The following PRDM1 variants were observed in gnomAD, a reference collection of about 807,000 sequenced individuals.
The protein encoded by PRDM1 is PR/SET domain 1.
In PRDM1, 13 loss-of-function variants were observed where a neutral mutation model predicts 62.8. The observed-to-expected ratio is 0.21, with a 90% confidence interval of 0.13 to 0.33. The LOEUF (loss-of-function observed/expected upper bound fraction) is 0.33, where lower values mean the gene tolerates loss of function less well. Ranked by LOEUF, PRDM1 falls within the 10% of genes least tolerant of loss-of-function variation. PRDM1 has a pLI of 1.00. For missense variants in PRDM1, 895 were observed against 1,058.8 expected, an observed-to-expected ratio of 0.85 and a Z score of 2.15; for synonymous variants, 396 against 417.6, an observed-to-expected ratio of 0.95 and a Z score of 0.63.
At chr6:106,025,646 A>C (rs1056271143) in intron 1 of PRDM1, among the ~76,000 whole-genome samples, 1 of 152,228 alleles carries the variant, frequency 6.6e-6, no homozygotes, top group African/African-American at 2.4e-5. Flanking sequence ...TATATGCAAG[A>C]GTAATTTTCA....
intron 1 of PRDM1, among the ~76,000 whole-genome samples, chr6:106,067,841 A>G (rs1401760109): frequency 6.6e-6 from 1 of 152,200 alleles, no homozygotes; most frequent in African/African-American, 2.4e-5. Context: ...ACTGAGTCGT[A>G]TGCTCTAAAA....
At chr6:106,018,479 C>T (rs1772652336) in intron 1 of PRDM1, among the ~76,000 whole-genome samples, 1 of 152,064 alleles carries the variant, frequency 6.6e-6, no homozygotes, top group Non-Finnish European at 1.5e-5. Context: ...ACCTAGTGTC[C>T]TTTTTCTATT....
At position 106,088,158 on chromosome 6, in the gene PRDM1, C is replaced by T. The variant is rs772361896; in HGVS notation, c.43-43C>T. ...AGCCTCTCAGAAGGAGCCACAGGAACGGCGGGACAATGGGGATTAAAGGCC... is the reference window on the plus strand; with the variant it reads ...AGCCTCTCAGAAGGAGCCACAGGAATGGCGGGACAATGGGGATTAAAGGCC... On this transcript the variant is annotated intron_variant, in intron 1 of 6. Transcript: ENST00000369096. 2.6e-6 allele frequency: 4 copies of T among 1,544,758 alleles called. No homozygotes were observed. The Admixed American group carries it at 5.9e-5, about 23-fold the overall frequency.
chr6:106,027,446 A>G (rs1301318049), intron 1 of PRDM1, among the ~76,000 whole-genome samples: 1 of 152,242 alleles, frequency 6.6e-6, no homozygotes. Flanking sequence ...TGTATACGAC[A>G]GAATGCGGAT....
chr6:106,109,174 T>C lies in PRDM1; in HGVS notation c.*1688T>C, dbSNP rs779463092. 8.0e-5 allele frequency: 18 copies of C among 225,122 alleles called. No individual in the cohort carries two copies. The highest frequency in any genetic ancestry group is 1.2e-4 in the Non-Finnish European group (14 of 113,216). 13.9% of individuals were successfully genotyped at this position (225,122 alleles called of 1,614,324 possible). A position where few individuals can be genotyped will look rare whatever the true frequency, so the allele number is the denominator to read the frequency against. ...TGACCTCACAATCACGTCGGTATGA[T>C]TGGGCACCCTTGCCTACTGTAAGAG... On this transcript the variant is annotated 3_prime_UTR_variant, in exon 7 of 7. Coordinates refer to ENST00000369096, the MANE Select transcript of PRDM1 (RefSeq NM_001198.4).
chr6:106,037,338 G>T (rs141709652), intron 1 of PRDM1, among the ~76,000 whole-genome samples: 143 of 152,200 alleles, frequency 9.4e-4, no homozygotes, highest in African/African-American at 3.3e-3. Context: ...GTGGATTTCT[G>T]AATTCATTAT....
intron 4 of PRDM1, 156 bp downstream of exon 4, chr6:106,099,708 G>A: frequency 2.1e-6 from 2 of 954,334 alleles, no homozygotes; most frequent in South Asian, 3.6e-5. Flanking sequence ...AACATTTTTT[G>A]AGTCCCTATT....
chr6:106,035,412 A>T (rs1406754289), intron 1 of PRDM1, among the ~76,000 whole-genome samples: 1 of 152,150 alleles, frequency 6.6e-6, no homozygotes, highest in Non-Finnish European at 1.5e-5. Context: ...GCTTGAGGCC[A>T]GGAGTTCAAG....
At position 106,032,987 on chromosome 6, in the gene PRDM1, A is replaced by G. The variant is rs541987887; in HGVS notation, c.-67+39348A>G. ...AAATATTTTCTCATTTAATCCTCAC[A>G]AAAGCCCTATGAGGTGGGTTGTATT... On this transcript the variant is annotated intron_variant, in intron 1 of 6. Transcript: ENST00000652320. 1.2e-3 allele frequency among the ~76,000 whole-genome samples: 188 copies of G among 152,302 alleles called. 1 individual carries two copies. The highest frequency in any genetic ancestry group is 4.5e-3 in the African/African-American group (186 of 41,572).
At chr6:106,093,643 A>T (rs1774018078) in intron 2 of PRDM1, among the ~76,000 whole-genome samples, 1 of 152,226 alleles carries the variant, frequency 6.6e-6, no homozygotes. Flanking sequence ...CAAAACAATG[A>T]GCCTCTGAAT....
chr6:106,011,001 G>A (rs1772538465), intron 1 of PRDM1, among the ~76,000 whole-genome samples: 1 of 152,162 alleles, frequency 6.6e-6, no homozygotes, highest in Admixed American at 6.5e-5. Flanking sequence ...GTAGCAGCAG[G>A]ACCAGCCTGC....
At chr6:105,998,371 G>C (rs1772375668) in intron 1 of PRDM1, among the ~76,000 whole-genome samples, 1 of 152,026 alleles carries the variant, frequency 6.6e-6, no homozygotes, top group African/African-American at 2.4e-5. Flanking sequence ...GGACAACATA[G>C]CGAGACCCCA....
chr6:106,104,408 T>A (rs1429696267), intron 4 of PRDM1, among the ~76,000 whole-genome samples: 1 of 152,070 alleles, frequency 6.6e-6, no homozygotes, highest in Non-Finnish European at 1.5e-5. Flanking sequence ...ATGGGGTTTC[T>A]CCATGTTGGT....
In PRDM1 at chr6:106,106,684, C is replaced by G. The variant is rs1306585700; in HGVS notation, c.1902+185C>G. Among the ~76,000 whole-genome samples the G allele has an allele frequency of 6.6e-6, 1 of 152,194 alleles. No individual in the cohort carries two copies. The highest frequency in any genetic ancestry group is 2.4e-5 in the African/African-American group (1 of 41,436). ...TGCTGATGACTTGAGATGGCACAGC[C>G]AGCTTCCAGTGGGTGGGAAAATGGT... On this transcript the variant is annotated intron_variant, in intron 6 of 6. Transcript: ENST00000369096. The surrounding 1 kb of genome is among the most constrained non-coding windows in gnomAD (Gnocchi z 4.4).
At chr6:106,038,014 C>CTTTGTTTTTTTTTTTTTTTTTTTTTT (rs1772944907) in intron 1 of PRDM1, among the ~76,000 whole-genome samples, 1 of 47,800 alleles carries the variant, frequency 2.1e-5, no homozygotes, top group Non-Finnish European at 3.5e-5. Flanking sequence ...CTATTTTTGT[C>CTTTGTTTTTTTTTTTTTTTTTTTTTT]TTTTTTTTTT....
chr6:106,031,417 A>T (rs990305984), intron 1 of PRDM1, among the ~76,000 whole-genome samples: 1 of 152,210 alleles, frequency 6.6e-6, no homozygotes, highest in Non-Finnish European at 1.5e-5. Context: ...TCTCCAGTCC[A>T]CGGCCTCCTT....
chr6:106,021,811 G>T (rs1772699520), intron 1 of PRDM1, among the ~76,000 whole-genome samples: 1 of 152,006 alleles, frequency 6.6e-6, no homozygotes, highest in Non-Finnish European at 1.5e-5. Flanking sequence ...GTAGAAACAG[G>T]GTTTCTCCAT....
intron 1 of PRDM1, among the ~76,000 whole-genome samples, chr6:106,003,998 A>G (rs914950097): frequency 5.9e-5 from 9 of 152,122 alleles, no homozygotes; most frequent in African/African-American, 2.2e-4. Flanking sequence ...ACTGTTTGGC[A>G]AAGAGTCATT....
intron 1 of PRDM1, among the ~76,000 whole-genome samples, chr6:106,030,777 A>T (rs1356683230): frequency 3.3e-5 from 5 of 152,196 alleles, no homozygotes; most frequent in Admixed American, 1.3e-4. Flanking sequence ...ACCGTATGCT[A>T]AAAAGACTTT....
Sources: gnomAD v4.1 joint callset for allele counts (sites outside exome capture counted in the v4.1 genomes callset) on GRCh38, gnomAD v4.1.1 for gene constraint, Gnocchi (gnomAD v3.1) non-coding constraint, MANE v1.5 for transcripts, NCBI Gene and HGNC (gene_info 2026-07-23, HGNC 2026-07-21) for gene names.